Variants in HTR1E observed in about 807,000 individuals in gnomAD.
HTR1E encodes the protein 5-hydroxytryptamine receptor 1E.
Under a neutral mutation model 3.4 loss-of-function variants are expected in HTR1E, and 3 were observed. The observed-to-expected ratio is 0.89, with a 90% CI of 0.41 to 2.31. The LOEUF (loss-of-function observed/expected upper bound fraction) is 2.31. HTR1E is among the 30% of genes most tolerant of loss of function. The pLI is 0.05. For missense variants in HTR1E, 392 were observed against 467.0 expected, an observed-to-expected ratio of 0.84 and a Z score of 1.48; for synonymous variants, 170 against 182.8, an observed-to-expected ratio of 0.93 and a Z score of 0.56.
chr6:87,010,813 C>T (rs1233587158), intron 1 of HTR1E, among the ~76,000 whole-genome samples: 1 of 151,206 alleles, frequency 6.6e-6, no homozygotes, highest in African/African-American at 2.4e-5. Context: ...TCCTTGCCCT[C>T]GGGCCCCGCG....
intron 1 of HTR1E, among the ~76,000 whole-genome samples, chr6:86,948,766 GATCCAAGCAGACC>G (rs950300379): frequency 1.3e-5 from 2 of 152,154 alleles, no homozygotes; most frequent in African/African-American, 2.4e-5. Context: ...GATAGGCCGT[GATCCAAGCAGACC>G]AATTGGAATC....
At chr6:86,988,446 T>G (rs1302952114) in intron 1 of HTR1E, among the ~76,000 whole-genome samples, 1 of 152,150 alleles carries the variant, frequency 6.6e-6, no homozygotes, top group Non-Finnish European at 1.5e-5. Flanking sequence ...AGACAGGGTA[T>G]GAACATTTTC....
intron 1 of HTR1E, among the ~76,000 whole-genome samples, chr6:86,966,230 A>T (rs1189273611): frequency 6.6e-6 from 1 of 152,212 alleles, no homozygotes; most frequent in Non-Finnish European, 1.5e-5. Flanking sequence ...AAATAAAGTC[A>T]GGTTAAGTGA....
chr6:87,005,887 T>A (rs1768100025), intron 1 of HTR1E, among the ~76,000 whole-genome samples: 1 of 152,056 alleles, frequency 6.6e-6, no homozygotes, highest in Non-Finnish European at 1.5e-5. Flanking sequence ...ACAACTCTAT[T>A]GGAAAAAAAT....
intron 1 of HTR1E, among the ~76,000 whole-genome samples, chr6:86,963,208 A>C (rs1049620409): frequency 2.0e-5 from 3 of 152,174 alleles, no homozygotes; most frequent in African/African-American, 7.2e-5. Flanking sequence ...AGAAAAATTT[A>C]AAAAATAAAC....
Position 87,012,409 on chromosome 6 carries a change from G to A in HTR1E, c.-185-2741G>A, listed in dbSNP as rs140158713. On this transcript the variant is annotated intron_variant, in intron 1 of 1. Transcript: ENST00000305344. ...CAGAGCCTACATGAGGGTAGAGGGT[G>A]AGTGGAGGGTGAGATTTGAAAAACT... Among the ~76,000 whole-genome samples the A allele has an allele frequency of 2.0e-3, 307 of 152,296 alleles. 1 individual carries two copies. The highest frequency in any genetic ancestry group is 7.0e-3 in the African/African-American group (292 of 41,560).
At chr6:87,014,721 A>G (rs1768291131) in intron 1 of HTR1E, among the ~76,000 whole-genome samples, 1 of 152,154 alleles carries the variant, frequency 6.6e-6, no homozygotes, top group Non-Finnish European at 1.5e-5. Context: ...ACCAAACACC[A>G]CATGCTCTCA....
At chr6:87,006,436 C>G (rs796187271) in intron 1 of HTR1E, among the ~76,000 whole-genome samples, 2 of 151,950 alleles carry the variant, frequency 1.3e-5, no homozygotes, top group African/African-American at 4.8e-5. Flanking sequence ...CAGATGCTGG[C>G]GAGGATGTGG....
Position 87,015,627 on chromosome 6 carries a change from G to A in HTR1E, c.293G>A (p.Trp98Ter). The A allele has an allele frequency of 6.2e-7, 1 of 1,614,204 alleles. No individual in the cohort carries two copies. The highest frequency in any genetic ancestry group is 8.5e-7 in the Non-Finnish European group (1 of 1,180,022). ...WKLGYFLCEV[W>*]LSVDMTCCTC... ...CTTGGGTACTTCCTCTGTGAGGTGT[G>A]GCTGAGTGTGGACATGACCTGCTGC... The change falls in exon 2 of 2, where the codon TGG (tryptophan) becomes TAG (stop). Residue 98 changes from tryptophan (W) to a stop codon, truncating the protein, a stop_gained. Coordinates refer to ENST00000305344, the MANE Select transcript of HTR1E (RefSeq NM_000865.3). LOFTEE classifies it low-confidence loss of function (END_TRUNC).
chr6:86,970,979 C>G (rs889561997), intron 1 of HTR1E: 3 of 412,224 alleles, frequency 7.3e-6, no homozygotes, highest in Non-Finnish European at 1.4e-5. Flanking sequence ...TTTGCTCAAT[C>G]TCTTGGCAAA....
intron 1 of HTR1E, among the ~76,000 whole-genome samples, chr6:87,014,936 C>T (rs149459118): frequency 1.3e-5 from 2 of 151,846 alleles, no homozygotes; most frequent in African/African-American, 4.8e-5. Flanking sequence ...ACATGTATCC[C>T]AGAACTTAAA....
At chr6:87,000,045 C>G (rs928741525) in intron 1 of HTR1E, 9 of 169,938 alleles carry the variant, frequency 5.3e-5, no homozygotes, top group African/African-American at 2.1e-4. Context: ...GACATAACAG[C>G]TAATGTGTGG....
rs762342575 is a variant in HTR1E at position 87,015,972 on chromosome 6, A to G, written c.638A>G (p.Tyr213Cys). 6.2e-7 allele frequency: 1 copy of G among 1,614,208 alleles called. No individual in the cohort carries two copies. Among genetic ancestry groups the G allele is most frequent in the South Asian group, 1.1e-5 (1 of 91,084 alleles). Residue 213 changes from tyrosine to cysteine, a missense_variant, in exon 2 of 2, where the codon TAC (tyrosine) becomes TGC (cysteine). Physicochemically the swap from Tyr to Cys is radical, Grantham distance 194. Coordinates refer to ENST00000305344, the MANE Select transcript of HTR1E (RefSeq NM_000865.3). ...YRIYHAAKSL[Y>C]QKRGSSRHLS... The stretch of plus-strand genomic sequence containing the variant: ...ATTTACCACGCGGCCAAGAGCCTTT[A>G]CCAGAAAAGGGGATCAAGTCGGCAC...
chr6:87,008,943 G>C (rs960723679), intron 1 of HTR1E, among the ~76,000 whole-genome samples: 1 of 151,996 alleles, frequency 6.6e-6, no homozygotes, highest in African/African-American at 2.4e-5. Flanking sequence ...AAGCTTCCTT[G>C]AAAGTTACAT....
In HTR1E at chr6:87,015,646, C is replaced by T; in HGVS notation, c.312C>T (p.Thr104=). ...AGGTGTGGCTGAGTGTGGACATGAC[C>T]TGCTGCACCTGCTCCATCCTCCACC... is the stretch of plus-strand genomic sequence containing the variant. The part of the protein sequence containing the change: ...LCEVWLSVDM[T]CCTCSILHLC... The change falls in exon 2 of 2, where the codon ACC becomes ACT. Residue 104 remains threonine, a synonymous_variant. Coordinates refer to ENST00000305344, the MANE Select transcript of HTR1E (RefSeq NM_000865.3). 1 of 1,614,178 alleles carries T rather than the reference C, an allele frequency of 6.2e-7. No homozygotes were observed. The highest frequency in any genetic ancestry group is 8.5e-7 in the Non-Finnish European group (1 of 1,180,022).
At chr6:87,009,650 G>A (rs867147326) in intron 1 of HTR1E, among the ~76,000 whole-genome samples, 7 of 146,684 alleles carry the variant, frequency 4.8e-5, no homozygotes, top group South Asian at 4.4e-4. Context: ...GGGCAGAGGC[G>A]CCCCTCACCT....
intron 1 of HTR1E, among the ~76,000 whole-genome samples, chr6:87,007,939 A>G (rs922645414): frequency 6.6e-6 from 1 of 152,150 alleles, no homozygotes; most frequent in East Asian, 1.9e-4. Flanking sequence ...GTCTCAAAAA[A>G]AAAATTAAAC....
At chr6:86,979,466 A>G (rs72912489) in intron 1 of HTR1E, among the ~76,000 whole-genome samples, 21,278 of 152,236 alleles carry the variant, frequency 0.14, 1,842 homozygotes, top group East Asian at 0.27. Flanking sequence ...AAGAAATGAA[A>G]TAAGACGTAT....
intron 1 of HTR1E, among the ~76,000 whole-genome samples, chr6:86,991,875 G>A (rs1282038088): frequency 2.6e-5 from 4 of 152,044 alleles, no homozygotes; most frequent in African/African-American, 7.2e-5. Context: ...TCTTCAAATT[G>A]GAGACATTTC....
Sources: gnomAD v4.1 joint callset for allele counts (sites outside exome capture counted in the v4.1 genomes callset) on GRCh38, gnomAD v4.1.1 for gene constraint, MANE v1.5 for transcripts, NCBI Gene and HGNC (gene_info 2026-07-23, HGNC 2026-07-21) for gene names.